Variants in DISC1 observed in about 807,000 individuals in gnomAD.
The protein encoded by DISC1 is DISC1 scaffold protein, also known as disrupted in schizophrenia 1 protein.
A neutral mutation model predicts 84.5 loss-of-function variants in DISC1; 57 were observed. The ratio of observed to expected loss-of-function variants is 0.67; its 90% CI spans 0.55 to 0.84. DISC1 has a LOEUF of 0.84. DISC1 is among the 40% of genes least tolerant of loss of function. DISC1 has a pLI of 0.00. For synonymous variants in DISC1, 411 were observed against 415.2 expected, an observed-to-expected ratio of 0.99 and a Z score of 0.12; for missense variants, 1,000 against 1,057.8, an observed-to-expected ratio of 0.95 and a Z score of 0.76.
intron 3 of DISC1, among the ~76,000 whole-genome samples, chr1:231,707,854 A>G (rs2067279775): frequency 6.6e-6 from 1 of 152,012 alleles, no homozygotes; most frequent in Non-Finnish European, 1.5e-5. Flanking sequence ...TAAAGTCTAA[A>G]TCCCTAAAGT....
At chr1:231,862,242 G>C (rs2084724098) in intron 9 of DISC1, among the ~76,000 whole-genome samples, 1 of 152,186 alleles carries the variant, frequency 6.6e-6, no homozygotes, top group Admixed American at 6.5e-5. Context: ...CTAAGTGGCT[G>C]GAAGTAGCTC....
At chr1:231,845,147 A>G (rs1340194957) in intron 9 of DISC1, among the ~76,000 whole-genome samples, 2 of 152,124 alleles carry the variant, frequency 1.3e-5, no homozygotes, top group African/African-American at 4.8e-5. Flanking sequence ...GTTCAACCCT[A>G]CTTCCCGTCA....
chr1:231,875,576 A>T (rs1309447290), intron 9 of DISC1, among the ~76,000 whole-genome samples: 1 of 152,168 alleles, frequency 6.6e-6, no homozygotes, highest in African/African-American at 2.4e-5. Context: ...TCTGTAAATG[A>T]GAAAAAGAGT....
At chr1:231,986,874 AAATT>A (rs999422466) in intron 10 of DISC1, among the ~76,000 whole-genome samples, 3 of 152,178 alleles carry the variant, frequency 2.0e-5, no homozygotes, top group African/African-American at 7.2e-5. Flanking sequence ...AAGAAAACAA[AAATT>A]AATCCCCCTC....
At chr1:231,901,308 A>G (rs552828574) in intron 9 of DISC1, among the ~76,000 whole-genome samples, 1 of 152,332 alleles carries the variant, frequency 6.6e-6, no homozygotes, top group African/African-American at 2.4e-5. Context: ...TATTATTCTT[A>G]TTTAGAAACG....
At chr1:231,947,253 A>G (rs986619199) in intron 9 of DISC1, among the ~76,000 whole-genome samples, 2 of 152,236 alleles carry the variant, frequency 1.3e-5, no homozygotes, top group African/African-American at 2.4e-5. Flanking sequence ...TGGTACCAAA[A>G]CAGATATATA....
chr1:231,981,933 T>TG, intron 10 of DISC1, among the ~76,000 whole-genome samples: 1 of 152,128 alleles, frequency 6.6e-6, no homozygotes, highest in Non-Finnish European at 1.5e-5. Context: ...AAGTAGCAGT[T>TG]GGTATGTAGA....
At chr1:231,889,300 G>A (rs952690256) in intron 9 of DISC1, among the ~76,000 whole-genome samples, 1 of 152,168 alleles carries the variant, frequency 6.6e-6, no homozygotes, top group African/African-American at 2.4e-5. Context: ...CGGGGTACAC[G>A]CCACCAAGAC....
chr1:231,733,754 GA>G (rs2072021233), intron 3 of DISC1, among the ~76,000 whole-genome samples: 1 of 63,222 alleles, frequency 1.6e-5, no homozygotes, highest in Non-Finnish European at 4.1e-5. Context: ...GTGGTGCCAT[GA>G]GTAGTGGTGG....
chr1:231,728,609 CAT>C (rs2071071810), intron 3 of DISC1, among the ~76,000 whole-genome samples: 1 of 152,234 alleles, frequency 6.6e-6, no homozygotes, highest in Non-Finnish European at 1.5e-5. Context: ...AACTGCTTGA[CAT>C]ATGAAACCAC....
chr1:231,795,220 C>T (rs926446797), intron 6 of DISC1, 22 bp from the exon 7 acceptor site: 8 of 1,611,584 alleles, frequency 5.0e-6, no homozygotes, highest in Non-Finnish European at 5.9e-6. Flanking sequence ...GAAGACCAAT[C>T]TCCTCTTTTT....
chr1:231,998,930 G>T (rs928303658), intron 10 of DISC1, among the ~76,000 whole-genome samples: 3 of 152,112 alleles, frequency 2.0e-5, no homozygotes, highest in African/African-American at 7.2e-5. Flanking sequence ...TGAGAGTGAG[G>T]TGAAAATACA....
At chr1:231,763,415 C>T (rs2075930220) in intron 4 of DISC1, among the ~76,000 whole-genome samples, 1 of 152,148 alleles carries the variant, frequency 6.6e-6, no homozygotes, top group South Asian at 2.1e-4. Flanking sequence ...CTTGATGCTG[C>T]TATTTGCCTT....
At chr1:231,722,856 A>G in intron 3 of DISC1, 3 of 1,408,506 alleles carry the variant, frequency 2.1e-6, no homozygotes, top group Non-Finnish European at 2.8e-6. Flanking sequence ...TGCGTTTCCC[A>G]GTCCCCTGTC....
intron 10 of DISC1, among the ~76,000 whole-genome samples, chr1:231,985,836 C>G (rs192335861): frequency 6.6e-6 from 1 of 152,126 alleles, no homozygotes; most frequent in Non-Finnish European, 1.5e-5. Flanking sequence ...CAAAATGACT[C>G]ATCACATGAG....
chr1:231,809,950 T>TA (rs1573989334), intron 8 of DISC1, among the ~76,000 whole-genome samples: 1 of 152,250 alleles, frequency 6.6e-6, no homozygotes, highest in South Asian at 2.1e-4. Context: ...GCTTATTTGT[T>TA]ATTAATTTTA....
chr1:231,741,400 T>C (rs922721892), intron 3 of DISC1, among the ~76,000 whole-genome samples: 1 of 152,214 alleles, frequency 6.6e-6, no homozygotes, highest in Non-Finnish European at 1.5e-5. Flanking sequence ...TAAAGTGGCT[T>C]ATGAAAAACA....
intron 10 of DISC1, among the ~76,000 whole-genome samples, chr1:231,992,113 G>C (rs565213952): frequency 6.6e-6 from 1 of 152,226 alleles, no homozygotes; most frequent in East Asian, 1.9e-4. Context: ...TTCCTGTAGA[G>C]TAAATGCCTA....
At chr1:232,006,522 G>T (rs1558829878) in intron 10 of DISC1, among the ~76,000 whole-genome samples, 2 of 152,076 alleles carry the variant, frequency 1.3e-5, no homozygotes, top group Non-Finnish European at 2.9e-5. Flanking sequence ...GTGATTTAGG[G>T]TATCTAGTGG....
Sources: gnomAD v4.1 joint callset for allele counts (sites outside exome capture counted in the v4.1 genomes callset) on GRCh38, gnomAD v4.1.1 for gene constraint, MANE v1.5 for transcripts, NCBI Gene and HGNC (gene_info 2026-07-23, HGNC 2026-07-21) for gene names.